Variants in NAALADL2 observed in about 807,000 individuals in gnomAD.
NAALADL2 encodes the protein N-acetylated alpha-linked acidic dipeptidase like 2.
A neutral mutation model predicts 87.2 loss-of-function variants in NAALADL2; 76 were observed. The ratio of observed to expected loss-of-function variants is 0.87; its 90% confidence interval spans 0.72 to 1.05. The LOEUF is 1.05. Among genes scored for constraint, NAALADL2 ranks in the 50% least tolerant of loss-of-function variants. The pLI is 0.00. For synonymous variants in NAALADL2, 354 were observed against 331.0 expected, an observed-to-expected ratio of 1.07 and a Z score of -0.75; for missense variants, 1,089 against 945.8, an observed-to-expected ratio of 1.15 and a Z score of -1.99.
At chr3:174,591,909 A>T (rs965280354) in intron 2 of NAALADL2, among the ~76,000 whole-genome samples, 2 of 152,048 alleles carry the variant, frequency 1.3e-5, no homozygotes, top group African/African-American at 4.8e-5. Context: ...TTTGTTTGCC[A>T]TAATACCCTA....
intron 3 of NAALADL2, among the ~76,000 whole-genome samples, chr3:174,752,754 G>A (rs1421208758): frequency 6.6e-6 from 1 of 152,010 alleles, no homozygotes; most frequent in Non-Finnish European, 1.5e-5. Context: ...CTTGAGAATA[G>A]TAATTTCCTT....
intron 2 of NAALADL2, among the ~76,000 whole-genome samples, chr3:175,154,372 A>T (rs1731992284): frequency 6.6e-6 from 1 of 152,192 alleles, no homozygotes; most frequent in African/African-American, 2.4e-5. Flanking sequence ...TATAGAGACA[A>T]CACACTGTTT....
At chr3:175,458,587 ATAAAT>A (rs1722668404) in intron 6 of NAALADL2, among the ~76,000 whole-genome samples, 1 of 148,312 alleles carries the variant, frequency 6.7e-6, no homozygotes, top group African/African-American at 2.4e-5. Context: ...TATAATAAAA[ATAAAT>A]TATATATATA....
chr3:175,615,617 G>A (rs1725236690), intron 10 of NAALADL2, among the ~76,000 whole-genome samples: 1 of 151,806 alleles, frequency 6.6e-6, no homozygotes, highest in African/African-American at 2.4e-5. Flanking sequence ...CAGCACCTTG[G>A]GGGGCCAAGG....
chr3:175,121,540 C>A (rs1273638076), intron 2 of NAALADL2, among the ~76,000 whole-genome samples: 1 of 151,798 alleles, frequency 6.6e-6, no homozygotes, highest in Admixed American at 6.6e-5. Context: ...GAGGAACACC[C>A]CCTTTTATGA....
chr3:174,664,137 A>C (rs1725755642), intron 2 of NAALADL2, among the ~76,000 whole-genome samples: 1 of 152,168 alleles, frequency 6.6e-6, no homozygotes, highest in South Asian at 2.1e-4. Flanking sequence ...CCCCTCTGCA[A>C]TATGACAAGC....
chr3:174,563,745 T>C (rs1470820695), intron 2 of NAALADL2, among the ~76,000 whole-genome samples: 1 of 152,194 alleles, frequency 6.6e-6, no homozygotes, highest in African/African-American at 2.4e-5. Flanking sequence ...GTGATTTAAT[T>C]ACATTCTGAT....
intron 3 of NAALADL2, among the ~76,000 whole-genome samples, chr3:174,745,575 T>C (rs1734175821): frequency 6.6e-6 from 1 of 152,108 alleles, no homozygotes; most frequent in Non-Finnish European, 1.5e-5. Context: ...GGACTTCTCC[T>C]TAACTTATCT....
chr3:175,025,235 G>A (rs1370509871), intron 1 of NAALADL2, among the ~76,000 whole-genome samples: 1 of 151,822 alleles, frequency 6.6e-6, no homozygotes, highest in Non-Finnish European at 1.5e-5. Context: ...TTGAGCAGCA[G>A]GCATATGAAA....
chr3:174,581,397 A>G (rs368811079), intron 2 of NAALADL2, among the ~76,000 whole-genome samples: 1 of 152,136 alleles, frequency 6.6e-6, no homozygotes, highest in Non-Finnish European at 1.5e-5. Context: ...GGAAGTATAA[A>G]TAGTTTCCTA....
intron 9 of NAALADL2, among the ~76,000 whole-genome samples, chr3:175,566,517 T>G (rs1405518013): frequency 6.6e-6 from 1 of 152,216 alleles, no homozygotes; most frequent in African/African-American, 2.4e-5. Flanking sequence ...TTCTAAAGAC[T>G]GTATATTATT....
chr3:175,482,522 T>C (rs1444635227), intron 9 of NAALADL2, among the ~76,000 whole-genome samples: 1 of 151,976 alleles, frequency 6.6e-6, no homozygotes, highest in Non-Finnish European at 1.5e-5. Flanking sequence ...TCTTTCATCA[T>C]GACGTGTAAG....
In NAALADL2 at chr3:174,895,918, A is replaced by G. The variant is rs540164385; in HGVS notation, c.43+36468A>G. ...TGCAAATTAATCATTGTGATACATC[A>G]TATCAACAGAATGAAGAAAAAAATA... On this transcript the variant is annotated intron_variant, in intron 1 of 13. Coordinates refer to ENST00000454872, the MANE Select transcript of NAALADL2 (RefSeq NM_207015.3). Among the ~76,000 whole-genome samples, 6 of 152,292 alleles carry G rather than the reference A, an allele frequency of 3.9e-5. No individual in the cohort carries two copies. In the East Asian group the frequency reaches 7.7e-4, roughly 20 times the overall value.
intron 10 of NAALADL2, among the ~76,000 whole-genome samples, chr3:175,616,426 G>A (rs944108398): frequency 6.6e-6 from 1 of 151,890 alleles, no homozygotes; most frequent in African/African-American, 2.4e-5. Context: ...ATAAACATTA[G>A]GTTTCTGGAG....
chr3:174,674,305 C>A (rs1028036951), intron 2 of NAALADL2, among the ~76,000 whole-genome samples: 1 of 151,996 alleles, frequency 6.6e-6, no homozygotes, highest in African/African-American at 2.4e-5. Context: ...CCAGACCCCA[C>A]CTCCAATACT....
chr3:175,299,307 G>A (rs1017377537), intron 4 of NAALADL2, among the ~76,000 whole-genome samples: 3 of 151,060 alleles, frequency 2.0e-5, no homozygotes. Context: ...TTTTGTTTTT[G>A]TTTTTTTTAA....
chr3:174,927,217 A>G (rs908964643), intron 1 of NAALADL2, among the ~76,000 whole-genome samples: 4 of 152,202 alleles, frequency 2.6e-5, no homozygotes, highest in African/African-American at 9.6e-5. Context: ...GCAAGTCCTT[A>G]GAGACCTACA....
intron 13 of NAALADL2, among the ~76,000 whole-genome samples, chr3:175,786,532 C>T (rs1394768389): frequency 6.6e-6 from 1 of 152,096 alleles, no homozygotes; most frequent in Non-Finnish European, 1.5e-5. Context: ...AGTTCTCGAG[C>T]CTTGGTTTTC....
chr3:175,586,932 A>G (rs1320582379), intron 10 of NAALADL2, among the ~76,000 whole-genome samples: 3 of 152,184 alleles, frequency 2.0e-5, no homozygotes, highest in Non-Finnish European at 4.4e-5. Context: ...GTCTCCCACT[A>G]CTAGGCAAAC....
Sources: gnomAD v4.1 joint callset for allele counts (sites outside exome capture counted in the v4.1 genomes callset) on GRCh38, gnomAD v4.1.1 for gene constraint, MANE v1.5 for transcripts, NCBI Gene and HGNC (gene_info 2026-07-23, HGNC 2026-07-21) for gene names.